The following ABCB5 variants were observed in gnomAD, a reference collection of about 807,000 sequenced individuals.
ABCB5 encodes ATP-binding cassette sub-family B member 5.
A neutral mutation model predicts 144.2 loss-of-function variants in ABCB5; 155 were observed. The ratio of observed to expected loss-of-function variants is 1.08; its 90% CI spans 0.94 to 1.23. The LOEUF (loss-of-function observed/expected upper bound fraction) is 1.23, where lower values mean the gene tolerates loss of function less well. Ranked by LOEUF, ABCB5 falls within the 50% of genes most tolerant of loss-of-function variation. ABCB5 has a pLI of 0.00. For synonymous variants in ABCB5, 610 were observed against 528.6 expected (o/e 1.15, Z -2.11); for missense variants, 1,830 against 1,520.8 (o/e 1.20, Z -3.38).
chr7:20,734,949 T>C (rs1037834256), intron 23 of ABCB5, among the ~76,000 whole-genome samples: 1 of 152,200 alleles, frequency 6.6e-6, no homozygotes, highest in South Asian at 2.1e-4. Context: ...TATCTCTTTG[T>C]GTTAGTCCCT....
rs184358312 is a variant in ABCB5, at chr7:20,721,345, A to G, written c.2422-1671A>G. 1.1e-3 allele frequency among the ~76,000 whole-genome samples: 168 copies of G among 152,328 alleles called. 1 individual carries two copies. The highest frequency in any genetic ancestry group is 3.7e-4 in the Non-Finnish European group (25 of 68,018). On this transcript the variant is annotated intron_variant, in intron 20 of 27. Coordinates refer to ENST00000404938, the MANE Select transcript of ABCB5 (RefSeq NM_001163941.2). ...GTTTCCTCATCTATTGTACGGGACT[A>G]GTGATAGTATCCATCTCTTTGCATT...
intron 16 of ABCB5, among the ~76,000 whole-genome samples, chr7:20,694,572 T>C (rs1786344413): frequency 1.3e-5 from 2 of 152,004 alleles, no homozygotes; most frequent in Admixed American, 6.6e-5. Flanking sequence ...CTATTGAACA[T>C]TGTACTGGAA....
chr7:20,744,552 G>A (rs1782660594), intron 25 of ABCB5, among the ~76,000 whole-genome samples: 1 of 149,364 alleles, frequency 6.7e-6, no homozygotes, highest in Non-Finnish European at 1.5e-5. Context: ...CCTCTCCTGA[G>A]TTTATTGAGT....
chr7:20,722,839 A>G (rs186344459), intron 20 of ABCB5, among the ~76,000 whole-genome samples, 177 bp from the exon 21 acceptor site: 13 of 152,076 alleles, frequency 8.5e-5, no homozygotes, highest in Admixed American at 3.9e-4. Flanking sequence ...AAAATAAAAT[A>G]AGTAAATAAA....
intron 5 of ABCB5, among the ~76,000 whole-genome samples, chr7:20,633,691 T>A (rs901070133): frequency 6.6e-6 from 1 of 152,164 alleles, no homozygotes; most frequent in Non-Finnish European, 1.5e-5. Context: ...TAGTTAACTA[T>A]AGCACTATAG....
At chr7:20,709,297 T>C (rs1338801213) in intron 20 of ABCB5, among the ~76,000 whole-genome samples, 1 of 150,026 alleles carries the variant, frequency 6.7e-6, no homozygotes, top group East Asian at 2.0e-4. Flanking sequence ...CATTTTCATA[T>C]TTTAGTTTTG....
chr7:20,742,750 T>A, intron 24 of ABCB5, 127 bp from the exon 25 acceptor site: 1 of 859,152 alleles, frequency 1.2e-6, no homozygotes, highest in Non-Finnish European at 1.8e-6. Flanking sequence ...CAGAGATGCA[T>A]ACATGTTTAA....
Position 20,694,742 on chromosome 7 carries a change from G to A in ABCB5, c.2011-3665G>A, listed in dbSNP as rs142398893. Among the ~76,000 whole-genome samples the A allele has an allele frequency of 8.0e-3, 1,212 of 152,030 alleles. 27 individuals are homozygous for A. Among genetic ancestry groups the A allele is most frequent in the African/African-American group, 0.028 (1,158 of 41,530 alleles). On this transcript the variant is annotated intron_variant, in intron 16 of 27. Transcript: ENST00000404938. Reference sequence around the variant, plus strand: ...CACGTACTAAAACTAATAAAGTTTAGCAAGGTTGTAGAATATGTGACAATA... The same window carrying A: ...CACGTACTAAAACTAATAAAGTTTAACAAGGTTGTAGAATATGTGACAATA...
At position 20,667,558 on chromosome 7, in the gene ABCB5, A is replaced by G. The variant is rs1046793714; in HGVS notation, c.1707+8882A>G. On this transcript the variant is annotated intron_variant, in intron 14 of 27. Transcript: ENST00000404938. ...TTCTAATTAAATTCCATACACATTA[A>G]TTTGAGAACTGTTGGAGAGTATTGT... is the stretch of plus-strand genomic sequence containing the variant. 6 of 972,284 alleles carry G rather than the reference A, an allele frequency of 6.2e-6. No homozygotes were observed. In the Admixed American group the frequency reaches 1.8e-4, roughly 30 times the overall value. The allele number at this position is 972,284 out of a possible 1,614,324, so 60.2% of individuals were successfully genotyped here.
chr7:20,632,928 G>C lies in ABCB5; in HGVS notation c.314+815G>C, dbSNP rs970836722. 1.3e-4 allele frequency among the ~76,000 whole-genome samples: 20 copies of C among 150,910 alleles called. 1 individual carries two copies. Among genetic ancestry groups the C allele is most frequent in the African/African-American group, 2.9e-4 (12 of 41,090 alleles). Reference sequence around the variant, plus strand: ...CTAATGCTAGATGACGAGTTAGTGGGTGCAGCGCACCAGCATGGCACATGT... The same window carrying C: ...CTAATGCTAGATGACGAGTTAGTGGCTGCAGCGCACCAGCATGGCACATGT... On this transcript the variant is annotated intron_variant, in intron 5 of 27. Coordinates refer to ENST00000404938, the MANE Select transcript of ABCB5 (RefSeq NM_001163941.2).
intron 27 of ABCB5, among the ~76,000 whole-genome samples, chr7:20,754,836 C>G (rs1376776057): frequency 1.3e-5 from 2 of 152,182 alleles, no homozygotes; most frequent in Non-Finnish European, 2.9e-5. Flanking sequence ...CTTAGAAATA[C>G]TACTTCCTGA....
intron 9 of ABCB5, 64 bp from the exon 10 acceptor site, chr7:20,647,471 T>C: frequency 4.0e-6 from 6 of 1,488,938 alleles, no homozygotes; most frequent in Non-Finnish European, 5.3e-6. Flanking sequence ...AATTATATAT[T>C]ACATTCTATT....
At chr7:20,732,101 C>G (rs988669715) in intron 23 of ABCB5, among the ~76,000 whole-genome samples, 1 of 152,186 alleles carries the variant, frequency 6.6e-6, no homozygotes, top group Non-Finnish European at 1.5e-5. Context: ...TTTCATCCAC[C>G]TCTATCTCCC....
intron 23 of ABCB5, among the ~76,000 whole-genome samples, chr7:20,731,252 G>A (rs1782203300): frequency 6.6e-6 from 1 of 151,442 alleles, no homozygotes; most frequent in African/African-American, 2.4e-5. Context: ...TACTTGGGAG[G>A]TGAGGGACAA....
At chr7:20,621,135 C>A (rs1480446195) in intron 1 of ABCB5, among the ~76,000 whole-genome samples, 1 of 151,862 alleles carries the variant, frequency 6.6e-6, no homozygotes, top group East Asian at 1.9e-4. Context: ...AAGCCAGATA[C>A]AAAAGAAAAA....
At chr7:20,709,624 C>G (rs1326822573) in intron 20 of ABCB5, among the ~76,000 whole-genome samples, 1 of 149,892 alleles carries the variant, frequency 6.7e-6, no homozygotes, top group East Asian at 2.0e-4. Context: ...AACAGTACAG[C>G]AAAACTCAAC....
At chr7:20,639,476 A>C (rs1200437366) in intron 5 of ABCB5, among the ~76,000 whole-genome samples, 1 of 152,162 alleles carries the variant, frequency 6.6e-6, no homozygotes, top group Non-Finnish European at 1.5e-5. Flanking sequence ...GCAATGTTTT[A>C]ACTCTTAAAC....
At chr7:20,624,888 C>T (rs1268920803) in intron 2 of ABCB5, among the ~76,000 whole-genome samples, 1 of 152,102 alleles carries the variant, frequency 6.6e-6, no homozygotes, top group Non-Finnish European at 1.5e-5. Flanking sequence ...CCAAAGGACA[C>T]TTGGCCCCAA....
intron 14 of ABCB5, among the ~76,000 whole-genome samples, chr7:20,673,307 C>T (rs867018082): frequency 6.6e-6 from 1 of 152,052 alleles, no homozygotes; most frequent in Non-Finnish European, 1.5e-5. Context: ...TATTATTCAT[C>T]TCTTCCTTGT....
Sources: allele counts gnomAD v4.1 joint callset (sites outside exome capture counted in the v4.1 genomes callset), GRCh38; gene constraint gnomAD v4.1.1; transcripts MANE v1.5; gene names NCBI Gene and HGNC (gene_info 2026-07-23, HGNC 2026-07-21).